The following GAB3 variants were observed in gnomAD, a reference collection of about 807,000 sequenced individuals.
GAB3 encodes GRB2-associated-binding protein 3.
A neutral mutation model predicts 40.4 loss-of-function variants in GAB3; 12 were observed. The observed-to-expected ratio is 0.30, with a 90% confidence interval of 0.19 to 0.48. The LOEUF (loss-of-function observed/expected upper bound fraction) is 0.48. Among genes scored for constraint, GAB3 ranks in the 20% least tolerant of loss-of-function variants. The pLI is 0.99. For synonymous variants in GAB3, 154 were observed against 176.7 expected, an observed-to-expected ratio of 0.87 and a Z score of 1.02; for missense variants, 381 against 461.9, an observed-to-expected ratio of 0.82 and a Z score of 1.61.
chrX:154,730,427 C>G (rs1020564536), intron 1 of GAB3, among the ~76,000 whole-genome samples: 10 of 111,407 alleles, frequency 9.0e-5, no homozygotes, highest in African/African-American at 2.9e-4. Context: ...TGCAAGGCCC[C>G]TAGGAATTTT....
intron 1 of GAB3, among the ~76,000 whole-genome samples, chrX:154,740,447 C>T (rs1437282260): frequency 8.0e-5 from 9 of 111,989 alleles, no homozygotes; most frequent in Non-Finnish European, 1.1e-4. Context: ...AAGGGTTCTC[C>T]GCTTCTAGGA....
Position 154,727,092 on chromosome X carries a change from A to G in GAB3, c.73-10763T>C, listed in dbSNP as rs1201519982. 4.5e-5 allele frequency among the ~76,000 whole-genome samples: 5 copies of G among 112,234 alleles called. No homozygotes were observed. The Admixed American group carries it at 4.7e-4, about 11-fold the overall frequency. On this transcript the variant is annotated intron_variant, in intron 1 of 9. Transcript: ENST00000424127. ...AGCACCCTCCAAAGGCTTCCCAATA[A>G]ATTAATAACAAAACCCAAACTCTTT...
intron 4 of GAB3, among the ~76,000 whole-genome samples, chrX:154,700,458 AAAAGC>A (rs1318391190): frequency 9.0e-6 from 1 of 111,186 alleles, no homozygotes; most frequent in Non-Finnish European, 1.9e-5. Context: ...CTGTGACCAG[AAAAGC>A]TACTCAGGTA....
chrX:154,710,452 G>C (rs1248424913), intron 4 of GAB3, among the ~76,000 whole-genome samples: 2 of 111,966 alleles, frequency 1.8e-5, no homozygotes. Context: ...TGGACAAGTA[G>C]GCTCCAAGGG....
In GAB3 at chrX:154,677,261, T is replaced by G. The variant is rs2070309299; in HGVS notation, c.*917A>C. The G allele has an allele frequency of 8.9e-6, 1 of 112,056 alleles. No individual in the cohort carries two copies. Among genetic ancestry groups the G allele is most frequent in the South Asian group, 3.8e-4 (1 of 2,665 alleles). The allele number at this position is 112,056 out of a possible 1,213,427, so 9.2% of individuals were successfully genotyped here. ...GATCCCTATTGAAAGGGAGACAGGATGACTACTCATTTTGTGTCTGCAGGT... is the reference window on the plus strand; with the variant it reads ...GATCCCTATTGAAAGGGAGACAGGAGGACTACTCATTTTGTGTCTGCAGGT... On this transcript the variant is annotated 3_prime_UTR_variant, in exon 10 of 10. Coordinates refer to ENST00000424127, the MANE Select transcript of GAB3 (RefSeq NM_001081573.3).
chrX:154,712,054 C>T (rs782452649), intron 4 of GAB3, among the ~76,000 whole-genome samples, 175 bp downstream of exon 4: 1 of 112,483 alleles, frequency 8.9e-6, no homozygotes, highest in African/African-American at 3.2e-5. Flanking sequence ...AAGGGACAAG[C>T]ACATATGTAC....
Position 154,733,568 on chromosome X carries a change from G to C in GAB3, c.73-17239C>G, listed in dbSNP as rs186527093. ...CCGACTGAATAAATAAATGAGCAAA[G>C]AGATATGTTTTATTTTCATGTAGCA... On this transcript the variant is annotated intron_variant, in intron 1 of 9. Coordinates refer to ENST00000424127, the MANE Select transcript of GAB3 (RefSeq NM_001081573.3). Among the ~76,000 whole-genome samples, 831 of 112,169 alleles carry C rather than the reference G, an allele frequency of 7.4e-3. 7 individuals carry two copies. The highest frequency in any genetic ancestry group is 7.3e-3 in the Non-Finnish European group (387 of 53,160).
At chrX:154,724,383 T>TAAAA (rs1335023109) in intron 1 of GAB3, among the ~76,000 whole-genome samples, 41 of 107,750 alleles carry the variant, frequency 3.8e-4, no homozygotes, top group African/African-American at 7.5e-4. Context: ...AATAAATAAA[T>TAAAA]AAAAATAAAA....
intron 1 of GAB3, among the ~76,000 whole-genome samples, chrX:154,741,929 T>C (rs142219720): frequency 1.5e-3 from 165 of 111,195 alleles, no homozygotes; most frequent in African/African-American, 5.0e-3. Context: ...AATCTGATTA[T>C]CAATTACCTC....
At chrX:154,717,842 G>C (rs1312071620) in intron 1 of GAB3, among the ~76,000 whole-genome samples, 11 of 112,073 alleles carry the variant, frequency 9.8e-5, no homozygotes, top group African/African-American at 3.6e-4. Flanking sequence ...CTTACATTTA[G>C]GTGCCCTTTG....
chrX:154,746,365 T>C (rs1412152185), intron 1 of GAB3, among the ~76,000 whole-genome samples: 1 of 111,892 alleles, frequency 8.9e-6, no homozygotes, highest in Admixed American at 9.4e-5. Context: ...TCCAGAAATA[T>C]ATGAAAAGAA....
chrX:154,705,354 T>TA (rs1557253313), intron 4 of GAB3, among the ~76,000 whole-genome samples: 1 of 110,809 alleles, frequency 9.0e-6, no homozygotes, highest in African/African-American at 3.3e-5. Flanking sequence ...TTTAAAAAAT[T>TA]AAAAAATTAA....
chrX:154,699,971 T>A, intron 5 of GAB3, 33 bp downstream of exon 5: 3 of 1,154,809 alleles, frequency 2.6e-6, no homozygotes, highest in Non-Finnish European at 3.5e-6. Flanking sequence ...TTGGTAAAAT[T>A]GATGCTTAAA....
At chrX:154,719,189 A>G (rs1307339153) in intron 1 of GAB3, among the ~76,000 whole-genome samples, 7 of 111,949 alleles carry the variant, frequency 6.3e-5, no homozygotes, top group African/African-American at 2.3e-4. Flanking sequence ...GGCTTTATCC[A>G]TTCATTCAAC....
intron 1 of GAB3, among the ~76,000 whole-genome samples, chrX:154,720,626 CAAAA>C (rs782047643): frequency 1.6e-4 from 5 of 30,787 alleles, no homozygotes; most frequent in African/African-American, 5.6e-4. Context: ...GACTCCGTCT[CAAAA>C]AAAAAAAAAA....
At chrX:154,699,887 C>T in intron 5 of GAB3, 117 bp downstream of exon 5, 1 of 624,910 alleles carries the variant, frequency 1.6e-6, no homozygotes, top group Non-Finnish European at 2.6e-6. Flanking sequence ...TCAGGGGAGA[C>T]TGGAAGATTC....
intron 4 of GAB3, among the ~76,000 whole-genome samples, chrX:154,707,842 T>C (rs2070835211): frequency 9.0e-6 from 1 of 111,579 alleles, no homozygotes; most frequent in Non-Finnish European, 1.9e-5. Context: ...GGATATAAAA[T>C]CAAAATCCAA....
chrX:154,697,463 G>T (rs1225326012), intron 6 of GAB3, among the ~76,000 whole-genome samples: 1 of 111,911 alleles, frequency 8.9e-6, no homozygotes, highest in Non-Finnish European at 1.9e-5. Flanking sequence ...TGTATATCAC[G>T]CGTGCTTCTA....
intron 1 of GAB3, among the ~76,000 whole-genome samples, chrX:154,725,002 T>C (rs782324744): frequency 9.0e-6 from 1 of 111,148 alleles, no homozygotes; most frequent in Non-Finnish European, 1.9e-5. Flanking sequence ...CATAATCAAA[T>C]ATGACTGGTG....
Sources: gnomAD v4.1 joint callset for allele counts (sites outside exome capture counted in the v4.1 genomes callset) on GRCh38, gnomAD v4.1.1 for gene constraint, MANE v1.5 for transcripts, NCBI Gene and HGNC (gene_info 2026-07-23, HGNC 2026-07-21) for gene names.